Variants in ARHGAP44 observed in about 807,000 individuals in gnomAD.
The protein encoded by ARHGAP44 is rho GTPase-activating protein 44.
In ARHGAP44, 43 loss-of-function variants were observed where a neutral mutation model predicts 106.8. The observed-to-expected ratio is 0.40, with a 90% confidence interval of 0.32 to 0.52. The LOEUF is 0.52. ARHGAP44 is among the 20% of genes least tolerant of loss of function. ARHGAP44 has a pLI of 0.48. For missense variants in ARHGAP44, 866 were observed against 1,050.5 expected, an observed-to-expected ratio of 0.82 and a Z score of 2.43; for synonymous variants, 439 against 410.3, an observed-to-expected ratio of 1.07 and a Z score of -0.85.
At chr17:12,926,529 A>G in intron 6 of ARHGAP44, among the ~76,000 whole-genome samples, 1 of 145,270 alleles carries the variant, frequency 6.9e-6, no homozygotes, top group South Asian at 2.1e-4. Context: ...TATATATTAT[A>G]CATACATATA....
chr17:12,840,668 T>G (rs958627547), intron 1 of ARHGAP44, among the ~76,000 whole-genome samples: 1 of 152,174 alleles, frequency 6.6e-6, no homozygotes, highest in Non-Finnish European at 1.5e-5. Flanking sequence ...GGGAGCAGCT[T>G]AGGGCTCCCA....
intron 1 of ARHGAP44, among the ~76,000 whole-genome samples, chr17:12,817,080 A>G (rs1460371195): frequency 6.6e-6 from 1 of 152,186 alleles, no homozygotes; most frequent in Non-Finnish European, 1.5e-5. Flanking sequence ...TTCTCTGACC[A>G]TAATGGAGTT....
At chr17:12,819,218 A>G (rs761193987) in intron 1 of ARHGAP44, among the ~76,000 whole-genome samples, 11 of 151,972 alleles carry the variant, frequency 7.2e-5, no homozygotes, top group Non-Finnish European at 1.6e-4. Context: ...TTTGTGCCTG[A>G]CTTCTTTCTC....
chr17:12,842,458 A>G (rs1393911306), intron 1 of ARHGAP44, among the ~76,000 whole-genome samples: 2 of 151,468 alleles, frequency 1.3e-5, no homozygotes, highest in African/African-American at 4.9e-5. Context: ...AAGAAAAGAA[A>G]AAAATCATCC....
At chr17:12,968,797 T>A (rs915647513) in intron 16 of ARHGAP44, among the ~76,000 whole-genome samples, 1 of 149,152 alleles carries the variant, frequency 6.7e-6, no homozygotes, top group African/African-American at 2.5e-5. Flanking sequence ...TGATACAGAG[T>A]CTCACACTGT....
chr17:12,888,828 A>G (rs1387511277), intron 1 of ARHGAP44, among the ~76,000 whole-genome samples: 2 of 151,996 alleles, frequency 1.3e-5, no homozygotes, highest in African/African-American at 2.4e-5. Context: ...CCCTTTTGTC[A>G]TTATTTCATG....
chr17:12,959,100 CCTT>C (rs2039198451), intron 16 of ARHGAP44: 1 of 606,318 alleles, frequency 1.6e-6, no homozygotes, highest in African/African-American at 1.9e-5. Flanking sequence ...GTCAGTGTAG[CCTT>C]CTTAGCTGAC....
intron 1 of ARHGAP44, among the ~76,000 whole-genome samples, chr17:12,810,723 C>T (rs893615817): frequency 5.3e-5 from 8 of 152,098 alleles, no homozygotes; most frequent in African/African-American, 1.7e-4. Flanking sequence ...CGAGGAATCC[C>T]CTGCTCTCCA....
At chr17:12,830,963 A>T (rs1023809698) in intron 1 of ARHGAP44, among the ~76,000 whole-genome samples, 2 of 152,196 alleles carry the variant, frequency 1.3e-5, no homozygotes, top group African/African-American at 4.8e-5. Flanking sequence ...TTGTCTGGGG[A>T]CACGTCCCCT....
At chr17:12,921,659 A>G (rs2038089969) in intron 6 of ARHGAP44, among the ~76,000 whole-genome samples, 1 of 152,242 alleles carries the variant, frequency 6.6e-6, no homozygotes, top group African/African-American at 2.4e-5. Flanking sequence ...AAAGAGATGT[A>G]GCATACAGAG....
At chr17:12,827,145 T>C (rs1470934865) in intron 1 of ARHGAP44, among the ~76,000 whole-genome samples, 1 of 152,184 alleles carries the variant, frequency 6.6e-6, no homozygotes, top group Non-Finnish European at 1.5e-5. Flanking sequence ...CTCTTATTTA[T>C]TTAATTCCTT....
At chr17:12,984,402 G>T in intron 19 of ARHGAP44, 129 bp from the exon 20 acceptor site, 6 of 977,226 alleles carry the variant, frequency 6.1e-6, no homozygotes, top group Non-Finnish European at 8.4e-6. Flanking sequence ...GGGCAGGGAG[G>T]TGTGGGTGGG....
chr17:12,904,859 G>A (rs892712616), intron 3 of ARHGAP44, among the ~76,000 whole-genome samples: 1 of 152,008 alleles, frequency 6.6e-6, no homozygotes, highest in Non-Finnish European at 1.5e-5. Context: ...AGTGAGTGTG[G>A]GAGGGACTTT....
At chr17:12,975,818 G>GA (rs2039667682) in intron 18 of ARHGAP44, among the ~76,000 whole-genome samples, 1 of 79,108 alleles carries the variant, frequency 1.3e-5, no homozygotes, top group Non-Finnish European at 2.8e-5. Context: ...AAAAAAAAAA[G>GA]AAAAAAAGAC....
chr17:12,965,270 C>T (rs574747733), intron 16 of ARHGAP44, among the ~76,000 whole-genome samples: 1 of 152,318 alleles, frequency 6.6e-6, no homozygotes, highest in East Asian at 1.9e-4. Flanking sequence ...CCCGACGCAC[C>T]TACTGTCATT....
chr17:12,991,010 CTT>C lies in ARHGAP44; in HGVS notation c.*840_*841del, dbSNP rs966782839. The C allele has an allele frequency of 1.5e-4, 23 of 152,778 alleles. No homozygotes were observed. Among genetic ancestry groups the C allele is most frequent in the Admixed American group, 1.3e-3 (20 of 15,302 alleles). The allele number at this position is 152,778 out of a possible 1,614,324, so 9.5% of individuals were successfully genotyped here. A position where few individuals can be genotyped will look rare whatever the true frequency, so the allele number is the denominator to read the frequency against. On this transcript the variant is annotated 3_prime_UTR_variant, in exon 21 of 21. Coordinates refer to ENST00000379672, the MANE Select transcript of ARHGAP44 (RefSeq NM_014859.6). ...GTCTGTGGGGTCCTGGAGCCTGTCT[CTT>C]CTTTCTGGAGGTTCAAACTGAATAG...
chr17:12,949,380 CAG>C lies in ARHGAP44; in HGVS notation c.973+130_973+131del. The C allele has an allele frequency of 2.0e-6, 2 of 1,025,344 alleles. No homozygotes were observed. The highest frequency in any genetic ancestry group is 2.8e-6 in the Non-Finnish European group (2 of 703,240). 63.5% of individuals were successfully genotyped at this position (1,025,344 alleles called of 1,614,324 possible). The stretch of plus-strand genomic sequence containing the variant: ...CCAAAGCACTTCAGATGTGTCCACT[CAG>C]TGCCCAGTTTCAGGGCTGGGTGCTC... On this transcript the variant is annotated intron_variant, in intron 11 of 20. Transcript: ENST00000379672. The surrounding 1 kb of genome is among the most constrained non-coding windows in gnomAD (Gnocchi z 4.1).
At chr17:12,945,038 T>G (rs901174244) in intron 10 of ARHGAP44, among the ~76,000 whole-genome samples, 26 of 150,884 alleles carry the variant, frequency 1.7e-4, no homozygotes, top group African/African-American at 6.1e-4. Context: ...TGAGATGGAG[T>G]CTCACTCTGT....
chr17:12,863,303 G>A (rs1469498332), intron 1 of ARHGAP44, among the ~76,000 whole-genome samples: 1 of 152,080 alleles, frequency 6.6e-6, no homozygotes, highest in African/African-American at 2.4e-5. Flanking sequence ...AAGAACTTCT[G>A]ATTGCTAATC....
Sources: gnomAD v4.1 joint callset for allele counts (sites outside exome capture counted in the v4.1 genomes callset) on GRCh38, gnomAD v4.1.1 for gene constraint, Gnocchi (gnomAD v3.1) non-coding constraint, MANE v1.5 for transcripts, NCBI Gene and HGNC (gene_info 2026-07-23, HGNC 2026-07-21) for gene names.